The following BCAR3 variants were observed in gnomAD, a reference collection of about 807,000 sequenced individuals.
BCAR3 encodes BCAR3 adaptor protein, NSP family member.
In BCAR3, 37 loss-of-function variants were observed where a neutral mutation model predicts 80.1. The ratio of observed to expected loss-of-function variants is 0.46; its 90% confidence interval spans 0.36 to 0.61. BCAR3 has a LOEUF of 0.61. BCAR3 is among the 20% of genes least tolerant of loss of function. The pLI is 0.00. For missense variants in BCAR3, 978 were observed against 1,068.2 expected (o/e 0.92, Z 1.18); for synonymous variants, 389 against 418.9 (o/e 0.93, Z 0.87).
chr1:93,758,009 C>A (rs1651804434), intron 2 of BCAR3, among the ~76,000 whole-genome samples: 1 of 152,144 alleles, frequency 6.6e-6, no homozygotes, highest in African/African-American at 2.4e-5. Context: ...TCAGAGATAT[C>A]TTGAATGGAG....
chr1:93,819,344 G>T (rs1050291976), intron 2 of BCAR3, among the ~76,000 whole-genome samples: 2 of 152,244 alleles, frequency 1.3e-5, no homozygotes, highest in African/African-American at 4.8e-5. Flanking sequence ...GATTACAGGT[G>T]TGAACCCCCA....
At chr1:93,763,290 C>T (rs576074942) in intron 2 of BCAR3, among the ~76,000 whole-genome samples, 4 of 152,258 alleles carry the variant, frequency 2.6e-5, no homozygotes, top group African/African-American at 9.6e-5. Context: ...TCTTGAACTG[C>T]TTGCCTCACG....
chr1:93,759,063 T>C lies in BCAR3; in HGVS notation c.-62-52921A>G, dbSNP rs1651844312. Among the ~76,000 whole-genome samples the C allele has an allele frequency of 3.3e-5, 5 of 152,254 alleles. No individual in the cohort carries two copies. The South Asian group carries it at 1.0e-3, about 32-fold the overall frequency. ...AATTAGGTATAACCCCAGCCAGTCA[T>C]TATCCCCAAACTAACCTCACAAGCA... On this transcript the variant is annotated intron_variant, in intron 2 of 13. Coordinates refer to the BCAR3 transcript ENST00000370244.
At chr1:93,616,770 C>G (rs1369359152) in intron 3 of BCAR3, among the ~76,000 whole-genome samples, 1 of 152,118 alleles carries the variant, frequency 6.6e-6, no homozygotes, top group African/African-American at 2.4e-5. Flanking sequence ...TAGGGGAGGG[C>G]ATTTCTAAGG....
chr1:93,720,329 G>A (rs1650347094), intron 2 of BCAR3: 1 of 152,302 alleles, frequency 6.6e-6, no homozygotes, highest in Admixed American at 6.5e-5. Context: ...AAGAGGGCAA[G>A]TTGAAATTGT....
chr1:93,750,472 A>G lies in BCAR3; in HGVS notation c.-62-44330T>C, dbSNP rs552477651. ...ATTATTATTTTCTATAGTCACTATGACGGTTTTAAAATTCTTTAACAGTCT... is the reference window on the plus strand; with the variant it reads ...ATTATTATTTTCTATAGTCACTATGGCGGTTTTAAAATTCTTTAACAGTCT... On this transcript the variant is annotated intron_variant, in intron 2 of 13. Coordinates refer to the BCAR3 transcript ENST00000370244. Among the ~76,000 whole-genome samples the G allele has an allele frequency of 7.0e-4, 107 of 152,228 alleles. 1 individual carries two copies. Among genetic ancestry groups the G allele is most frequent in the Non-Finnish European group, 1.3e-3 (87 of 68,040 alleles).
chr1:93,779,608 T>C (rs183668704), intron 2 of BCAR3, among the ~76,000 whole-genome samples: 3 of 152,290 alleles, frequency 2.0e-5, no homozygotes, highest in African/African-American at 7.2e-5. Flanking sequence ...GGGAAGGGTG[T>C]TCCAGGGTAG....
Position 93,587,309 on chromosome 1 carries a change from A to G in BCAR3, c.929+1668T>C, listed in dbSNP as rs142605679. On this transcript the variant is annotated intron_variant, in intron 5 of 11. Transcript: ENST00000260502. ...CCAAAGTGCTGGGATTACAGCTGTG[A>G]GCCACTGTGCTGGGTCTGAGTCTGA... 8.1e-3 allele frequency among the ~76,000 whole-genome samples: 1,233 copies of G among 152,276 alleles called. 23 individuals are homozygous for G. The highest frequency in any genetic ancestry group is 0.028 in the African/African-American group (1,172 of 41,558).
chr1:93,666,198 C>T (rs1647904198), intron 2 of BCAR3, among the ~76,000 whole-genome samples: 1 of 152,148 alleles, frequency 6.6e-6, no homozygotes, highest in Non-Finnish European at 1.5e-5. Flanking sequence ...AATCTGAAGT[C>T]CTTACCCAAA....
At chr1:93,817,925 GC>G (rs1654076532) in intron 2 of BCAR3, among the ~76,000 whole-genome samples, 1 of 151,934 alleles carries the variant, frequency 6.6e-6, no homozygotes, top group Non-Finnish European at 1.5e-5. Context: ...TCTTGGCTCT[GC>G]CAGTCCCAAG....
intron 3 of BCAR3, among the ~76,000 whole-genome samples, chr1:93,703,928 G>A (rs1019876379): frequency 6.6e-6 from 1 of 152,202 alleles, no homozygotes; most frequent in Non-Finnish European, 1.5e-5. Flanking sequence ...TAATACAGGA[G>A]CCACATGTGG....
intron 3 of BCAR3, among the ~76,000 whole-genome samples, chr1:93,638,030 A>C (rs1675849391): frequency 6.6e-6 from 1 of 152,202 alleles, no homozygotes; most frequent in Non-Finnish European, 1.5e-5. Flanking sequence ...TGAGTGGATC[A>C]CAAGGTCAGG....
At chr1:93,817,798 A>C (rs1053869784) in intron 2 of BCAR3, among the ~76,000 whole-genome samples, 2 of 151,936 alleles carry the variant, frequency 1.3e-5, no homozygotes, top group African/African-American at 2.4e-5. Context: ...TTACCCCCCC[A>C]CATCCCTGCC....
intron 2 of BCAR3, among the ~76,000 whole-genome samples, chr1:93,721,015 C>G (rs899981052): frequency 1.3e-5 from 2 of 152,210 alleles, no homozygotes; most frequent in Non-Finnish European, 2.9e-5. Flanking sequence ...GTGCTTCTGG[C>G]TGAGGCGAGG....
At chr1:93,797,967 C>T (rs1164304965) in intron 2 of BCAR3, among the ~76,000 whole-genome samples, 1 of 152,090 alleles carries the variant, frequency 6.6e-6, no homozygotes, top group Non-Finnish European at 1.5e-5. Flanking sequence ...TTGAAAGGGC[C>T]GGTGGGCAAA....
chr1:93,688,597 C>T (rs902735134), intron 3 of BCAR3, among the ~76,000 whole-genome samples: 2 of 151,166 alleles, frequency 1.3e-5, no homozygotes, highest in African/African-American at 4.9e-5. Flanking sequence ...TTTTACATTA[C>T]TTATTTATTT....
chr1:93,846,511 G>C (rs1206123657), intron 1 of BCAR3, among the ~76,000 whole-genome samples: 1 of 152,154 alleles, frequency 6.6e-6, no homozygotes, highest in Non-Finnish European at 1.5e-5. Flanking sequence ...ATCACTGCGG[G>C]CACTGGAAAC....
At position 93,592,380 on chromosome 1, in the gene BCAR3, C is replaced by CT. The variant is rs759674466; in HGVS notation, c.370dup (p.Arg124LysfsTer42). ...CTCGGGGGTCCTGTCCATGATGTGC[C>CT]TCTCCTTGGAGAACTGCAACACAGA... is the stretch of plus-strand genomic sequence containing the variant. On this transcript the variant is annotated frameshift_variant, in exon 4 of 12. Transcript: ENST00000260502. LOFTEE classifies it high-confidence loss of function. The surrounding 1 kb of genome is among the most constrained non-coding windows in gnomAD (Gnocchi z 4.8). The CT allele has an allele frequency of 1.2e-6, 2 of 1,600,532 alleles. No homozygotes were observed. Among genetic ancestry groups the CT allele is most frequent in the Non-Finnish European group, 1.7e-6 (2 of 1,177,932 alleles).
chr1:93,836,109 G>A (rs768659246), intron 2 of BCAR3, among the ~76,000 whole-genome samples: 2 of 152,144 alleles, frequency 1.3e-5, no homozygotes, highest in Non-Finnish European at 2.9e-5. Context: ...AAAAAGGACT[G>A]GACAGTACTC....
Sources: allele counts gnomAD v4.1 joint callset (sites outside exome capture counted in the v4.1 genomes callset), GRCh38; gene constraint gnomAD v4.1.1; non-coding constraint Gnocchi (gnomAD v3.1); transcripts MANE v1.5; gene names NCBI Gene and HGNC (gene_info 2026-07-23, HGNC 2026-07-21).